SCMH1: variants seen among roughly 807,000 people sequenced by gnomAD.
The protein encoded by SCMH1 is polycomb protein SCMH1.
A neutral mutation model predicts 70.8 loss-of-function variants in SCMH1; 37 were observed. The ratio of observed to expected loss-of-function variants is 0.52; its 90% CI spans 0.40 to 0.69. The LOEUF is 0.69. Ranked by LOEUF, SCMH1 falls within the 30% of genes least tolerant of loss-of-function variation. The pLI is 0.00. For missense variants in SCMH1, 607 were observed against 827.3 expected, an observed-to-expected ratio of 0.73 and a Z score of 3.27; for synonymous variants, 292 against 307.4, an observed-to-expected ratio of 0.95 and a Z score of 0.52.
chr1:41,087,937 G>GGTGTGTGT (rs55721560), intron 8 of SCMH1, among the ~76,000 whole-genome samples: 3,737 of 139,882 alleles, frequency 0.027, 96 homozygotes, highest in East Asian at 0.067. Flanking sequence ...TATAGTTTCT[G>GGTGTGTGT]GTGTGTGTGT....
rs71062579 is a variant in SCMH1 at position 41,150,936 on chromosome 1, C to CAA, written c.177+676_177+677dup. Among the ~76,000 whole-genome samples the CAA allele has an allele frequency of 6.4e-3, 486 of 75,604 alleles. 7 individuals are homozygous for CAA. The highest frequency in any genetic ancestry group is 0.011 in the South Asian group (19 of 1,764). The allele number at this position is 75,604 out of a possible 152,430, so 49.6% of individuals were successfully genotyped here. On this transcript the variant is annotated intron_variant, in intron 5 of 14. Coordinates refer to ENST00000337495, the Ensembl canonical transcript of SCMH1. The stretch of plus-strand genomic sequence containing the variant: ...TGGGCGACAGAGTGAGACACCATCT[C>CAA]AAAAAAAAAAAAAAAAAAAAAGAAA...
In SCMH1 at chr1:41,162,141, A is replaced by G. The variant is rs549294923; in HGVS notation, c.14-709T>C. Among the ~76,000 whole-genome samples the G allele has an allele frequency of 4.3e-3, 647 of 152,050 alleles. 6 individuals are homozygous for G. Among genetic ancestry groups the G allele is most frequent in the African/African-American group, 0.015 (620 of 41,488 alleles). ...TGCCGTGACGGGCACAGCTGCAGCCACCCAAATGTGGCTGCAGACCCAGGT... is the reference window on the plus strand; with the variant it reads ...TGCCGTGACGGGCACAGCTGCAGCCGCCCAAATGTGGCTGCAGACCCAGGT... On this transcript the variant is annotated intron_variant, in intron 2 of 14. Transcript: ENST00000337495.
At position 41,202,977 on chromosome 1, in the gene SCMH1, T is replaced by C. The variant is rs538322108; in HGVS notation, c.-117-16727A>G. Among the ~76,000 whole-genome samples, 223 of 151,246 alleles carry C rather than the reference T, an allele frequency of 1.5e-3. 2 individuals are homozygous for C. The highest frequency in any genetic ancestry group is 5.2e-3 in the African/African-American group (216 of 41,206). On this transcript the variant is annotated intron_variant, in intron 1 of 14. Transcript: ENST00000337495. ...TATGATTACTAGAAAAATATAAAATTACATAGGTGGCTTTTACATTTTTCT... is the reference window on the plus strand; with the variant it reads ...TATGATTACTAGAAAAATATAAAATCACATAGGTGGCTTTTACATTTTTCT...
intron 2 of SCMH1, among the ~76,000 whole-genome samples, chr1:41,175,208 C>A (rs573957903): frequency 6.6e-6 from 1 of 152,342 alleles, no homozygotes; most frequent in East Asian, 1.9e-4. Flanking sequence ...ATTATCCAAT[C>A]CACTGAGGGT....
intron 13 of SCMH1, 150 bp from the exon 15 acceptor site, chr1:41,028,876 A>G: frequency 1.1e-6 from 1 of 870,134 alleles, no homozygotes; most frequent in Non-Finnish European, 1.7e-6. Flanking sequence ...TGGGGGAGGG[A>G]AGCATTTCTT....
intron 14 of SCMH1, 99 bp from the exon 16 acceptor site, chr1:41,028,418 G>T: frequency 6.5e-7 from 1 of 1,536,488 alleles, no homozygotes; most frequent in Non-Finnish European, 8.9e-7. Flanking sequence ...ATCCTGGGAA[G>T]TGCCCGCCAC....
intron 8 of SCMH1, among the ~76,000 whole-genome samples, chr1:41,081,387 T>C (rs933177655): frequency 1.3e-5 from 2 of 152,230 alleles, no homozygotes; most frequent in Non-Finnish European, 2.9e-5. Flanking sequence ...TGTATGCAAA[T>C]TGACAATTTA....
intron 1 of SCMH1, among the ~76,000 whole-genome samples, chr1:41,225,317 G>A (rs1660051404): frequency 6.6e-6 from 1 of 152,138 alleles, no homozygotes; most frequent in African/African-American, 2.4e-5. Context: ...CCCAAAGTGG[G>A]GAGAAGTGAG....
At chr1:41,056,401 A>C (rs1391106330) in intron 10 of SCMH1, among the ~76,000 whole-genome samples, 2 of 152,036 alleles carry the variant, frequency 1.3e-5, no homozygotes, top group Admixed American at 6.6e-5. Context: ...TTATTGTCTT[A>C]TTTTAAAAAT....
At chr1:41,079,464 T>TAGAG (rs1173525562) in intron 8 of SCMH1, among the ~76,000 whole-genome samples, 1 of 152,122 alleles carries the variant, frequency 6.6e-6, no homozygotes, top group Non-Finnish European at 1.5e-5. Context: ...TAATGTACTC[T>TAGAG]ATAAACACTA....
intron 12 of SCMH1, chr1:41,037,953 C>A (rs1047107375): frequency 3.1e-5 from 5 of 160,190 alleles, no homozygotes; most frequent in African/African-American, 1.2e-4. Context: ...CTGGACATGT[C>A]AGAAATGCTT....
At chr1:41,158,887 C>T (rs1645789236) in intron 4 of SCMH1, among the ~76,000 whole-genome samples, 1 of 152,152 alleles carries the variant, frequency 6.6e-6, no homozygotes, top group African/African-American at 2.4e-5. Context: ...GAAAAATAGG[C>T]TAACCCTGTT....
intron 13 of SCMH1, 115 bp from the exon 14 acceptor site, chr1:41,034,163 C>A: frequency 7.0e-7 from 1 of 1,432,252 alleles, no homozygotes; most frequent in Non-Finnish European, 9.3e-7. Context: ...GCAAGGGAGC[C>A]GAGGCTAGAA....
chr1:41,207,401 A>G (rs903299707), intron 1 of SCMH1, among the ~76,000 whole-genome samples: 12 of 152,222 alleles, frequency 7.9e-5, no homozygotes, highest in African/African-American at 2.9e-4. Flanking sequence ...CTAGTCTCTG[A>G]TAAAACAGAT....
rs138416103 is a variant in SCMH1 at position 41,152,663 on chromosome 1, G to A, written c.107-979C>T. The A allele has an allele frequency of 1.2e-5, 19 of 1,614,022 alleles. No individual in the cohort carries two copies. The African/African-American group carries it at 2.5e-4, about 22-fold the overall frequency. On this transcript the variant is annotated intron_variant, in intron 4 of 14. Transcript: ENST00000337495. ...GAATCTCACAAGCTAAAACACTGTA[G>A]CAAACCAGCATTTCTTGAAGTTTCC... is the stretch of plus-strand genomic sequence containing the variant.
chr1:41,082,308 C>T (rs1363700860), intron 8 of SCMH1, among the ~76,000 whole-genome samples: 1 of 152,042 alleles, frequency 6.6e-6, no homozygotes, highest in Admixed American at 6.6e-5. Flanking sequence ...TTAAGGGCAG[C>T]TAGAGAGAAA....
chr1:41,080,909 A>G (rs1659810652), intron 8 of SCMH1, among the ~76,000 whole-genome samples: 1 of 152,188 alleles, frequency 6.6e-6, no homozygotes, highest in South Asian at 2.1e-4. Context: ...ATTGGAGGTC[A>G]ATGCAATAAG....
At chr1:41,036,445 C>A (rs1016972148) in intron 13 of SCMH1, among the ~76,000 whole-genome samples, 1 of 152,194 alleles carries the variant, frequency 6.6e-6, no homozygotes. Flanking sequence ...ATTAAATTTG[C>A]CTTGTGAACA....
At position 41,089,221 on chromosome 1, in the gene SCMH1, G is replaced by C. The variant is rs958248449; in HGVS notation, c.746-13770C>G. ...CTTAGAAATTTCCCTTAAACTTCTT[G>C]TTTTTAATACAATTTCCCACTTGAA... is the stretch of plus-strand genomic sequence containing the variant. On this transcript the variant is annotated intron_variant, in intron 8 of 14. Coordinates refer to ENST00000337495, the Ensembl canonical transcript of SCMH1. 2.0e-5 allele frequency among the ~76,000 whole-genome samples: 3 copies of C among 152,144 alleles called. No individual in the cohort carries two copies. The East Asian group carries it at 5.8e-4, about 29-fold the overall frequency.
Sources: gnomAD v4.1 joint callset for allele counts (sites outside exome capture counted in the v4.1 genomes callset) on GRCh38, gnomAD v4.1.1 for gene constraint, MANE v1.5 for transcripts, NCBI Gene and HGNC (gene_info 2026-07-23, HGNC 2026-07-21) for gene names.